The following EIF4A2 variants were observed in gnomAD, a reference collection of about 807,000 sequenced individuals.
The protein encoded by EIF4A2 is eukaryotic translation initiation factor 4A2, also known as eukaryotic initiation factor 4A-II.
EIF4A2 carries 9 observed loss-of-function variants against 50.6 expected under a neutral mutation model. The observed-to-expected ratio is 0.18, with a 90% CI of 0.11 to 0.31. EIF4A2 has a LOEUF of 0.31. Ranked by LOEUF, EIF4A2 falls within the 10% of genes least tolerant of loss-of-function variation. EIF4A2 has a pLI of 1.00. For missense variants in EIF4A2, 182 were observed against 501.8 expected, an observed-to-expected ratio of 0.36 and a Z score of 6.09; for synonymous variants, 215 against 164.4, an observed-to-expected ratio of 1.31 and a Z score of -2.35.
chr3:186,788,064 C>T (rs1418158389), intron 10 of EIF4A2, 182 bp downstream of exon 10: 2 of 763,546 alleles, frequency 2.6e-6, no homozygotes, highest in Admixed American at 2.9e-5. Context: ...AACTTGTAAA[C>T]ATTGCCCAGA....
At chr3:186,788,355 G>A (rs1028347984) in intron 10 of EIF4A2, 8 of 1,289,792 alleles carry the variant, frequency 6.2e-6, no homozygotes, top group Non-Finnish European at 8.1e-6. Context: ...CAGAAACGGC[G>A]TTGACGTAAT....
In EIF4A2 at chr3:186,785,801, A is replaced by G. The variant is rs1490930683; in HGVS notation, c.349-82A>G. On this transcript the variant is annotated intron_variant, in intron 4 of 10. Coordinates refer to ENST00000323963, the MANE Select transcript of EIF4A2 (RefSeq NM_001967.4). Reference sequence around the variant, plus strand: ...CATGCATAAAAGCTGTTGGCAGACCAGATTATATTTGCCTTTATGCTTTAA... The same window carrying G: ...CATGCATAAAAGCTGTTGGCAGACCGGATTATATTTGCCTTTATGCTTTAA... 7.3e-6 allele frequency: 11 copies of G among 1,511,026 alleles called. No homozygotes were observed. In the African/African-American group the frequency reaches 1.1e-4, roughly 15 times the overall value. 93.6% of individuals were successfully genotyped at this position (1,511,026 alleles called of 1,614,324 possible).
chr3:186,787,381 T>C (rs1721796123), intron 8 of EIF4A2, 114 bp from the exon 9 acceptor site: 1 of 1,608,068 alleles, frequency 6.2e-7, no homozygotes, highest in Non-Finnish European at 8.5e-7. Flanking sequence ...TTCTTAACTA[T>C]ACCTGTCTGC....
In EIF4A2 at chr3:186,783,833, G is replaced by A. The variant is rs1721513471; in HGVS notation, c.29+194G>A. 3.5e-6 allele frequency: 3 copies of A among 848,556 alleles called. No individual in the cohort carries two copies. The East Asian group carries it at 7.7e-5, about 22-fold the overall frequency. 52.6% of individuals were successfully genotyped at this position (848,556 alleles called of 1,614,324 possible). On this transcript the variant is annotated intron_variant, in intron 1 of 10. Coordinates refer to ENST00000323963, the MANE Select transcript of EIF4A2 (RefSeq NM_001967.4). ...GGGGAGATAGGACGGTGGTGCGAAAGCAGTGGCTAAAGGGCGTTTTTCCTC... is the reference window on the plus strand; with the variant it reads ...GGGGAGATAGGACGGTGGTGCGAAAACAGTGGCTAAAGGGCGTTTTTCCTC...
intron 9 of EIF4A2, 48 bp from the exon 10 acceptor site, chr3:186,787,755 T>G: frequency 6.2e-7 from 1 of 1,612,176 alleles, no homozygotes; most frequent in Non-Finnish European, 8.5e-7. Context: ...ACATGACAGG[T>G]GTCAAGTTTT....
chr3:186,787,954 A>G, intron 10 of EIF4A2, 72 bp downstream of exon 10: 1 of 1,476,182 alleles, frequency 6.8e-7, no homozygotes. Context: ...TATGAAAGGT[A>G]ACATCAAATC....
At chr3:186,784,271 C>CT (rs1401566754) in intron 1 of EIF4A2, 161 bp from the exon 2 acceptor site, 1 of 1,073,448 alleles carries the variant, frequency 9.3e-7, no homozygotes, top group African/African-American at 1.6e-5. Context: ...AGGCCCCAAC[C>CT]TTTAGGGAAG....
intron 7 of EIF4A2, 99 bp from the exon 8 acceptor site, chr3:186,787,028 G>T (rs1395215224): frequency 4.0e-6 from 6 of 1,483,718 alleles, no homozygotes; most frequent in African/African-American, 1.4e-5. Flanking sequence ...AAAGGGCTGG[G>T]ATTACAGGCA....
At chr3:186,786,846 A>C (rs1407391127) in intron 7 of EIF4A2, 7 of 897,880 alleles carry the variant, frequency 7.8e-6, no homozygotes, top group African/African-American at 1.6e-5. Context: ...GATTTGGTGC[A>C]ATATCTCATT....
In EIF4A2 at chr3:186,784,150, G is replaced by C. The variant is rs1312661584; in HGVS notation, c.30-282G>C. On this transcript the variant is annotated intron_variant, in intron 1 of 10. Transcript: ENST00000323963. ...TCCGCCCGCGTCAATCACCCGGCTT[G>C]CGCATTGTTGGGGGCGGAGTTCGGC... 3 of 534,922 alleles carry C rather than the reference G, an allele frequency of 5.6e-6. No individual in the cohort carries two copies. In the East Asian group the frequency reaches 9.8e-5, roughly 17 times the overall value. 33.1% of individuals were successfully genotyped at this position (534,922 alleles called of 1,614,324 possible).
intron 10 of EIF4A2, chr3:186,788,923 G>A (rs1721954483): frequency 1.6e-6 from 1 of 606,524 alleles, no homozygotes; most frequent in East Asian, 3.3e-5. Flanking sequence ...TTTGCAGCCA[G>A]ACAAGCCTTG....
chr3:186,787,635 G>T (rs1303228692), intron 9 of EIF4A2, 51 bp downstream of exon 9: 1 of 1,610,680 alleles, frequency 6.2e-7, no homozygotes, highest in Non-Finnish European at 8.5e-7. Flanking sequence ...GCTTTTTGGG[G>T]GGCAGGTTTT....
At chr3:186,785,856 G>A (rs185571791) in intron 4 of EIF4A2, 27 bp from the exon 5 acceptor site, 1 of 1,578,974 alleles carries the variant, frequency 6.3e-7, no homozygotes, top group Admixed American at 1.7e-5. Context: ...GAGTTCTGCG[G>A]AATAATAATT....
chr3:186,783,689 CA>C (rs748785392), intron 1 of EIF4A2, 50 bp downstream of exon 1: 28 of 1,613,674 alleles, frequency 1.7e-5, no homozygotes, highest in Non-Finnish European at 2.2e-5. Flanking sequence ...CATAGGGCGC[CA>C]GGGGAGATGA....
At chr3:186,788,584 TTAGAG>T (rs1198797072) in intron 10 of EIF4A2, 39 of 416,260 alleles carry the variant, frequency 9.4e-5, no homozygotes, top group African/African-American at 7.9e-4. Context: ...TTAAACACGT[TTAGAG>T]TAATTTGAGT....
Position 186,785,008 on chromosome 3 carries a change from C to T in EIF4A2, c.255C>T (p.Ala85=). Residue 85 remains alanine, a synonymous_variant, in exon 4 of 11, where the codon GCC becomes GCT. Coordinates refer to ENST00000323963, the MANE Select transcript of EIF4A2 (RefSeq NM_001967.4). ...AQAQSGTGKT[A]TFAISILQQL... is the part of the protein sequence containing the mutation. ...CTCAGTCAGGTACTGGCAAGACAGC[C>T]ACATTTGCTATTTCCATCCTGCAAC... 1 of 1,614,116 alleles carries T rather than the reference C, an allele frequency of 6.2e-7. No homozygotes were observed.
intron 10 of EIF4A2, chr3:186,788,122 T>C: frequency 1.5e-6 from 1 of 664,466 alleles, no homozygotes; most frequent in East Asian, 3.1e-5. Flanking sequence ...TACCTTATGC[T>C]TGAGCTTTTA....
At chr3:186,786,793 T>G (rs749096721) in intron 7 of EIF4A2, 148 bp downstream of exon 7, 27 of 1,120,186 alleles carry the variant, frequency 2.4e-5, no homozygotes, top group Middle Eastern at 2.0e-4. Flanking sequence ...TTGTAAAGAC[T>G]GGGGTGGACC....
intron 1 of EIF4A2, chr3:186,784,106 A>G (rs1721540456): frequency 2.1e-6 from 1 of 482,740 alleles, no homozygotes; most frequent in South Asian, 2.3e-5. Flanking sequence ...AACCGTTGGC[A>G]TCGCCCTCGC....
Sources: gnomAD v4.1 joint callset for allele counts on GRCh38, gnomAD v4.1.1 for gene constraint, MANE v1.5 for transcripts, NCBI Gene and HGNC (gene_info 2026-07-23, HGNC 2026-07-21) for gene names.